NF2: variants seen among roughly 807,000 people sequenced by gnomAD.
The protein encoded by NF2 is NF2, moesin-ezrin-radixin like (MERLIN) tumor suppressor, also known as merlin.
A neutral mutation model predicts 83.7 loss-of-function variants in NF2; 8 were observed. That is an observed-to-expected ratio of 0.10 (90% confidence interval 0.06 to 0.17). NF2 has a LOEUF of 0.17. Ranked by LOEUF, NF2 falls within the 10% of genes least tolerant of loss-of-function variation. The pLI is 1.00. For synonymous variants in NF2, 266 were observed against 269.6 expected, an observed-to-expected ratio of 0.99 and a Z score of 0.13; for missense variants, 533 against 744.4, an observed-to-expected ratio of 0.72 and a Z score of 3.31.
At chr22:29,632,629 A>G (rs2065545773) in intron 1 of NF2, among the ~76,000 whole-genome samples, 1 of 151,454 alleles carries the variant, frequency 6.6e-6, no homozygotes, top group African/African-American at 2.4e-5. Flanking sequence ...GTGTGTGTTC[A>G]CTAACTATTT....
intron 1 of NF2, among the ~76,000 whole-genome samples, chr22:29,615,668 G>T (rs1234173826): frequency 6.6e-6 from 1 of 152,154 alleles, no homozygotes; most frequent in African/African-American, 2.4e-5. Context: ...CCAGAATTTT[G>T]AGGTTGCAGT....
At chr22:29,612,729 T>C (rs1209137761) in intron 1 of NF2, among the ~76,000 whole-genome samples, 1 of 145,468 alleles carries the variant, frequency 6.9e-6, no homozygotes, top group African/African-American at 2.5e-5. Context: ...CGTTGTCAAA[T>C]TGGCAGTATT....
At position 29,636,944 on chromosome 22, in the gene NF2, C is replaced by T. The variant is rs983054794; in HGVS notation, c.240+68C>T. On this transcript the variant is annotated intron_variant, in intron 2 of 15. Transcript: ENST00000338641. The surrounding 1 kb of genome is among the most constrained non-coding windows in gnomAD (Gnocchi z 4.4). ...TTTCCAGTTTTTCCCTGAGCAGGCG[C>T]CTAGCTCATCACTGGGGCGCTGTAG... The T allele has an allele frequency of 3.7e-6, 6 of 1,609,610 alleles. No homozygotes were observed. Among genetic ancestry groups the T allele is most frequent in the Admixed American group, 1.7e-5 (1 of 60,008 alleles).
chr22:29,678,889 G>A (rs1177369196), intron 14 of NF2, among the ~76,000 whole-genome samples: 3 of 152,216 alleles, frequency 2.0e-5, no homozygotes, highest in Non-Finnish European at 4.4e-5. Context: ...TTTATTGTGG[G>A]TAGAAGTGGA....
chr22:29,639,185 G>A lies in NF2; in HGVS notation c.336G>A (p.Glu112=), dbSNP rs2146872481. ...ATGCTGAAGAGGAGCTGGTTCAGGA[G>A]ATCACACAACATTTATTCTTCTTAC... ...PENAEEELVQ[E]ITQHLFFLQV... The change falls in exon 3 of 16, where the codon GAG becomes GAA. Residue 112 remains glutamate, a synonymous_variant. Transcript: ENST00000338641. 1 of 1,614,156 alleles carries A rather than the reference G, an allele frequency of 6.2e-7. No homozygotes were observed. Among genetic ancestry groups the A allele is most frequent in the South Asian group, 1.1e-5 (1 of 91,078 alleles).
intron 4 of NF2, among the ~76,000 whole-genome samples, chr22:29,644,255 G>C (rs1324415236): frequency 2.0e-5 from 3 of 152,036 alleles, no homozygotes; most frequent in Admixed American, 1.3e-4. Context: ...GTGGCGGCCG[G>C]GCAGAGGCGC....
intron 11 of NF2, among the ~76,000 whole-genome samples, chr22:29,673,015 AAGCATAAGCCTG>A (rs1305069409): frequency 3.9e-5 from 6 of 152,192 alleles, no homozygotes; most frequent in Admixed American, 1.3e-4. Context: ...TCTCCACGTG[AAGCATAAGCCTG>A]AGCTGAGGTG....
intron 7 of NF2, among the ~76,000 whole-genome samples, chr22:29,659,849 T>G (rs1462662567): frequency 6.6e-6 from 1 of 152,266 alleles, no homozygotes; most frequent in African/African-American, 2.4e-5. Flanking sequence ...CTTCTATTAA[T>G]GCAGTAGCTT....
intron 4 of NF2, among the ~76,000 whole-genome samples, chr22:29,646,327 C>G (rs751117185): frequency 3.3e-5 from 5 of 152,162 alleles, no homozygotes; most frequent in Non-Finnish European, 7.4e-5. Flanking sequence ...GATGGGAACC[C>G]TAGTGTCCAG....
chr22:29,636,794 C>T lies in NF2; in HGVS notation c.158C>T (p.Thr53Ile), dbSNP rs2065659695. The T allele has an allele frequency of 1.2e-6, 2 of 1,614,198 alleles. No individual in the cohort carries two copies. Among genetic ancestry groups the T allele is most frequent in the Non-Finnish European group, 1.7e-6 (2 of 1,180,028 alleles). Residue 53 changes from threonine to isoleucine, a missense_variant, in exon 2 of 16, where the codon ACT becomes ATT. This residue lies in a region of NF2 where 326 missense variants were observed against 475.1 expected (regional missense o/e 0.69). Transcript: ENST00000338641. The surrounding 1 kb of genome is among the most constrained non-coding windows in gnomAD (Gnocchi z 4.4). ...GACCTCTTTGATTTGGTGTGCCGGA[C>T]TCTGGGGCTCCGAGAAACCTGGTTC... The part of the protein sequence containing the change: ...GKDLFDLVCR[T>I]LGLRETWFFG...
In NF2 at chr22:29,636,722, T is replaced by C. The variant is rs774328333; in HGVS notation, c.115-29T>C. ...TTTTATTAATGATTTTTGCTCACAG[T>C]GTCCTTCCCCATTGGTTTGTTATTG... On this transcript the variant is annotated intron_variant, in intron 1 of 15. Coordinates refer to ENST00000338641, the MANE Select transcript of NF2 (RefSeq NM_000268.4). This position sits in a 1 kb window ranked among gnomAD's most constrained non-coding sequence, Gnocchi z 4.4. 6.8e-6 allele frequency: 11 copies of C among 1,614,016 alleles called. No homozygotes were observed. Among genetic ancestry groups the C allele is most frequent in the South Asian group, 5.5e-5 (5 of 91,086 alleles).
chr22:29,652,825 T>A (rs1236010566), intron 4 of NF2, among the ~76,000 whole-genome samples: 1 of 152,114 alleles, frequency 6.6e-6, no homozygotes, highest in East Asian at 1.9e-4. Flanking sequence ...TTGCAGGGAG[T>A]ACTGTTAAAG....
chr22:29,683,133 G>A (rs1203752616), intron 15 of NF2: 42 of 1,613,994 alleles, frequency 2.6e-5, no homozygotes, highest in Non-Finnish European at 3.5e-5. Context: ...CCGTGCATGA[G>A]CTTGCCTGTC....
At chr22:29,656,943 T>A (rs922381041) in intron 6 of NF2, among the ~76,000 whole-genome samples, 2 of 149,508 alleles carry the variant, frequency 1.3e-5, no homozygotes, top group Non-Finnish European at 3.0e-5. Flanking sequence ...AGAATTCCAT[T>A]CCCTTGATTA....
intron 15 of NF2, chr22:29,683,236 C>T: frequency 6.4e-7 from 1 of 1,550,390 alleles, no homozygotes; most frequent in Non-Finnish European, 8.7e-7. Flanking sequence ...GGCACCCACC[C>T]TGTGAAGCCA....
At position 29,695,497 on chromosome 22, in the gene NF2, C is replaced by T. The variant is rs903678547; in HGVS notation, c.*695C>T. 27 of 244,630 alleles carry T rather than the reference C, an allele frequency of 1.1e-4. No homozygotes were observed. Among genetic ancestry groups the T allele is most frequent in the East Asian group, 9.8e-4 (17 of 17,296 alleles). The allele number at this position is 244,630 out of a possible 1,614,324, so 15.2% of individuals were successfully genotyped here. A position where few individuals can be genotyped will look rare whatever the true frequency, so the allele number is the denominator to read the frequency against. ...AGCCGAGGGGCTGGGTAGTGCCGTGCGGGAGCTGATGGTACAGGGCACTCG... is the reference window on the plus strand; with the variant it reads ...AGCCGAGGGGCTGGGTAGTGCCGTGTGGGAGCTGATGGTACAGGGCACTCG... On this transcript the variant is annotated 3_prime_UTR_variant, in exon 16 of 16. Coordinates refer to ENST00000338641, the MANE Select transcript of NF2 (RefSeq NM_000268.4). This position sits in a 1 kb window ranked among gnomAD's most constrained non-coding sequence, Gnocchi z 5.4.
At position 29,661,207 on chromosome 22, in the gene NF2, T is replaced by G; in HGVS notation, c.678T>G (p.Asn226Lys). 6.2e-7 allele frequency: 1 copy of G among 1,614,172 alleles called. No individual in the cohort carries two copies. The highest frequency in any genetic ancestry group is 8.5e-7 in the Non-Finnish European group (1 of 1,180,034). ...AGCTGTTCTTATTGGATCCACAGAA[T>G]AAAAAGGGCACAGAGCTGCTGCTTG... The part of the protein sequence containing the change: ...MYGVNYFAIR[N>K]KKGTELLLGV... The change falls in exon 8 of 16, where the codon AAT (asparagine) becomes AAG (lysine). Residue 226 changes from asparagine (N) to lysine (K), a missense_variant and splice_region_variant. By Grantham distance (94) the Asn-to-Lys change is moderately conservative. Around this residue, in one of 3 missense-constraint regions of NF2, gnomAD observed 326 missense variants for 475.1 expected, o/e 0.69. Transcript: ENST00000338641.
chr22:29,696,066 CTTTTT>C lies in NF2; in HGVS notation c.*1283_*1287del, dbSNP rs886057354. ...GTCTGGGGCCACCTTCTTGCCCTTT[CTTTTT>C]TTTTTTTTTTTTTTTTTTCCGAGAT... is the stretch of plus-strand genomic sequence containing the variant. On this transcript the variant is annotated 3_prime_UTR_variant, in exon 16 of 16. Transcript: ENST00000338641. 230 of 155,630 alleles carry C rather than the reference CTTTTT, an allele frequency of 1.5e-3. No individual in the cohort carries two copies. Among genetic ancestry groups the C allele is most frequent in the South Asian group, 2.9e-3 (10 of 3,498 alleles). The allele number at this position is 155,630 out of a possible 1,614,324, so 9.6% of individuals were successfully genotyped here.
intron 11 of NF2, 108 bp downstream of exon 11, chr22:29,672,056 A>G: frequency 6.7e-7 from 1 of 1,498,446 alleles, no homozygotes; most frequent in Non-Finnish European, 9.2e-7. Context: ...GCTTTGAAAT[A>G]CTTAATTTCA....
Sources: allele counts gnomAD v4.1 joint callset (sites outside exome capture counted in the v4.1 genomes callset), GRCh38; gene constraint gnomAD v4.1.1; regional missense constraint gnomAD v4.1.1; non-coding constraint Gnocchi (gnomAD v3.1); transcripts MANE v1.5; gene names NCBI Gene and HGNC (gene_info 2026-07-23, HGNC 2026-07-21).